TBC1D19: variants seen among roughly 807,000 people sequenced by gnomAD.
TBC1D19 encodes TBC1 domain family member 19.
A neutral mutation model predicts 89.0 loss-of-function variants in TBC1D19; 60 were observed. The observed-to-expected ratio is 0.67, with a 90% CI of 0.55 to 0.84. The LOEUF is 0.84. Among genes scored for constraint, TBC1D19 ranks in the 40% least tolerant of loss-of-function variants. The pLI, the probability that TBC1D19 is intolerant of heterozygous loss-of-function variation, is 0.00. For synonymous variants in TBC1D19, 189 were observed against 199.7 expected, an observed-to-expected ratio of 0.95 and a Z score of 0.45; for missense variants, 500 against 610.8, an observed-to-expected ratio of 0.82 and a Z score of 1.91.
the TBC1D19 span, among the ~76,000 whole-genome samples, chr4:26,812,376 G>GT: frequency 6.6e-5 from 10 of 152,174 alleles, no homozygotes; most frequent in African/African-American, 2.4e-4. The surrounding 1 kb of genome is among the most constrained non-coding windows in gnomAD (Gnocchi z 4.2). Flanking sequence ...TGGAGACCAG[G>GT]AATGCCTGCC....
rs988014029 is a variant in TBC1D19, at chr4:26,627,836, T to A, written c.294+7148T>A. 1.2e-3 allele frequency among the ~76,000 whole-genome samples: 180 copies of A among 152,204 alleles called. 1 individual carries two copies. Among genetic ancestry groups the A allele is most frequent in the Non-Finnish European group, 1.8e-3 (124 of 67,968 alleles). ...GAAAATTTTCTCCCATTTTGTAGGT[T>A]GCCTGTTCACTCTGATGGTAGTTTC... On this transcript the variant is annotated intron_variant, in intron 4 of 20. Coordinates refer to ENST00000264866, the MANE Select transcript of TBC1D19 (RefSeq NM_018317.4).
At chr4:26,735,564 A>G (rs2109305909) in intron 16 of TBC1D19, 77 bp downstream of exon 16, 1 of 1,296,020 alleles carries the variant, frequency 7.7e-7, no homozygotes, top group South Asian at 1.5e-5. Flanking sequence ...ATAATGACTG[A>G]CAGATATAAT....
Position 26,586,419 on chromosome 4 carries a change from T to C in TBC1D19, c.99+2127T>C, listed in dbSNP as rs1244529898. ...CAAAGTCCTCCAAATTTGTTCCTTTTTTTCCCAAAATTATTTTGGCTATTC... is the reference window on the plus strand; with the variant it reads ...CAAAGTCCTCCAAATTTGTTCCTTTCTTTCCCAAAATTATTTTGGCTATTC... On this transcript the variant is annotated intron_variant, in intron 1 of 20. Transcript: ENST00000264866. 6.6e-5 allele frequency among the ~76,000 whole-genome samples: 10 copies of C among 152,134 alleles called. No homozygotes were observed. In the East Asian group the frequency reaches 1.9e-3, roughly 29 times the overall value.
chr4:26,706,285 A>G (rs1291922228), intron 13 of TBC1D19, among the ~76,000 whole-genome samples: 1 of 152,056 alleles, frequency 6.6e-6, no homozygotes, highest in East Asian at 1.9e-4. Flanking sequence ...AAATTTGTTC[A>G]TTTTATCCAG....
At chr4:26,851,304 C>T in the TBC1D19 span, among the ~76,000 whole-genome samples, 10 of 146,974 alleles carry the variant, frequency 6.8e-5, no homozygotes, top group South Asian at 2.3e-4. Context: ...TAATAAATAC[C>T]CTATCTATCT....
chr4:26,806,541 T>G, the TBC1D19 span, among the ~76,000 whole-genome samples: 6 of 152,196 alleles, frequency 3.9e-5, no homozygotes, highest in African/African-American at 1.4e-4. Context: ...GGGGTCTTAC[T>G]CATCTTCACA....
chr4:26,772,630 C>A, the TBC1D19 span, among the ~76,000 whole-genome samples: 1 of 152,138 alleles, frequency 6.6e-6, no homozygotes, highest in East Asian at 1.9e-4. Flanking sequence ...TCATCCCACA[C>A]CCCCAACAGA....
At chr4:26,739,150 A>G (rs1718205982) in intron 16 of TBC1D19, among the ~76,000 whole-genome samples, 1 of 152,166 alleles carries the variant, frequency 6.6e-6, no homozygotes. Flanking sequence ...ATGCTCAGGT[A>G]GGTCGCCAAT....
intron 16 of TBC1D19, among the ~76,000 whole-genome samples, chr4:26,738,844 A>G (rs1271212675): frequency 6.6e-6 from 1 of 152,024 alleles, no homozygotes; most frequent in African/African-American, 2.4e-5. Flanking sequence ...ATATTTTACT[A>G]TTTTTCCTTT....
intron 4 of TBC1D19, among the ~76,000 whole-genome samples, chr4:26,633,734 G>A (rs1039151126): frequency 4.6e-5 from 7 of 151,974 alleles, no homozygotes; most frequent in African/African-American, 1.7e-4. Flanking sequence ...TTAGAATAAG[G>A]CACTCTCTTC....
chr4:26,605,038 CT>C (rs777271873), intron 1 of TBC1D19, among the ~76,000 whole-genome samples: 2 of 151,694 alleles, frequency 1.3e-5, no homozygotes, highest in Admixed American at 6.6e-5. Context: ...AACTACCATT[CT>C]TTTTTTATTT....
At chr4:26,745,352 TA>T (rs1271916791) in intron 18 of TBC1D19, among the ~76,000 whole-genome samples, 1 of 151,924 alleles carries the variant, frequency 6.6e-6, no homozygotes, top group African/African-American at 2.4e-5. Context: ...TTTTTTTAGT[TA>T]TTCCATGTTC....
the TBC1D19 span, among the ~76,000 whole-genome samples, chr4:26,804,335 G>A: frequency 6.6e-6 from 1 of 152,068 alleles, no homozygotes; most frequent in Non-Finnish European, 1.5e-5. Flanking sequence ...TAGTAGAGAC[G>A]GGGTTTCACC....
intron 15 of TBC1D19, among the ~76,000 whole-genome samples, chr4:26,730,847 T>A (rs1379641662): frequency 6.6e-6 from 1 of 152,218 alleles, no homozygotes; most frequent in Non-Finnish European, 1.5e-5. Context: ...GTATACCTTC[T>A]CTTCTCTTCC....
At chr4:26,712,732 C>G (rs995124687) in intron 13 of TBC1D19, among the ~76,000 whole-genome samples, 2 of 152,026 alleles carry the variant, frequency 1.3e-5, no homozygotes, top group African/African-American at 4.8e-5. Flanking sequence ...TGCTTCAACT[C>G]ATGGCACAAA....
At chr4:26,689,469 T>A (rs12647180) in intron 13 of TBC1D19, among the ~76,000 whole-genome samples, 1 of 151,870 alleles carries the variant, frequency 6.6e-6, no homozygotes, top group Non-Finnish European at 1.5e-5. Flanking sequence ...TTGTGCTTTA[T>A]TGTGCTTCAC....
the TBC1D19 span, among the ~76,000 whole-genome samples, chr4:26,813,869 C>G: frequency 6.6e-6 from 1 of 152,076 alleles, no homozygotes; most frequent in African/African-American, 2.4e-5. Context: ...AACTGAGGGC[C>G]GGGAGAACGG....
rs937114111 is a variant in TBC1D19, at chr4:26,756,104, G to A, written c.*1157G>A. Among the ~76,000 whole-genome samples the A allele has an allele frequency of 2.0e-5, 3 of 152,178 alleles. No homozygotes were observed. Among genetic ancestry groups the A allele is most frequent in the Non-Finnish European group, 4.4e-5 (3 of 68,022 alleles). ...TCAGTTTTACCCAAATGTATTTTAT[G>A]AGTCTTTTATTTTGGCAGTATGTAT... On this transcript the variant is annotated 3_prime_UTR_variant, in exon 21 of 21. Coordinates refer to ENST00000264866, the MANE Select transcript of TBC1D19 (RefSeq NM_018317.4).
chr4:26,676,437 G>T (rs1283920210), intron 11 of TBC1D19, among the ~76,000 whole-genome samples: 1 of 152,126 alleles, frequency 6.6e-6, no homozygotes, highest in Non-Finnish European at 1.5e-5. Flanking sequence ...GAAATGTCAG[G>T]CTGGGCACAG....
Sources: gnomAD v4.1 joint callset for allele counts (sites outside exome capture counted in the v4.1 genomes callset) on GRCh38, gnomAD v4.1.1 for gene constraint, Gnocchi (gnomAD v3.1) non-coding constraint, MANE v1.5 for transcripts, NCBI Gene and HGNC (gene_info 2026-07-23, HGNC 2026-07-21) for gene names.